ADGRV1: variants seen among roughly 807,000 people sequenced by gnomAD.
ADGRV1 encodes the protein G-protein coupled receptor 98.
ADGRV1 carries 359 observed loss-of-function variants against 596.2 expected under a neutral mutation model. The ratio of observed to expected loss-of-function variants is 0.60; its 90% CI spans 0.55 to 0.66. The LOEUF is 0.66. Ranked by LOEUF, ADGRV1 falls within the 30% of genes least tolerant of loss-of-function variation. The pLI is 0.00. For missense variants in ADGRV1, 7,274 were observed against 7,575.6 expected (o/e 0.96, Z 1.48); for synonymous variants, 2,681 against 2,679.2 (o/e 1.00, Z -0.02).
intron 1 of ADGRV1, among the ~76,000 whole-genome samples, chr5:90,610,619 C>T (rs1377219121): frequency 6.6e-6 from 1 of 151,912 alleles, no homozygotes; most frequent in Non-Finnish European, 1.5e-5. Context: ...TTTCATGAAT[C>T]CTTAGAGAAG....
In ADGRV1 at chr5:90,745,649, C is replaced by T. The variant is rs1754540709; in HGVS notation, c.10828C>T (p.Leu3610Phe). Residue 3610 changes from leucine (L) to phenylalanine (F), a missense_variant, in exon 52 of 90, where the codon CTT (leucine) becomes TTT (phenylalanine). By Grantham distance (22) the Leu-to-Phe change is conservative. This residue lies in a region of ADGRV1 where 3,643 missense variants were observed against 3,809.2 expected (regional missense o/e 0.96). Coordinates refer to ENST00000405460, the MANE Select transcript of ADGRV1 (RefSeq NM_032119.4). Reference protein sequence around the residue: ...EREATIAVNILDDTVPEKEES... With the variant: ...EREATIAVNIFDDTVPEKEES... ...AGAAGCTACAATAGCAGTAAATATC[C>T]TTGATGATACAGTTCCAGAAAAAGA... The T allele has an allele frequency of 1.9e-6, 3 of 1,612,656 alleles. No homozygotes were observed. Among genetic ancestry groups the T allele is most frequent in the Admixed American group, 3.3e-5 (2 of 60,000 alleles).
intron 15 of ADGRV1, among the ~76,000 whole-genome samples, 186 bp from the exon 16 acceptor site, chr5:90,645,782 T>A (rs1767661520): frequency 6.6e-6 from 1 of 152,108 alleles, no homozygotes; most frequent in Non-Finnish European, 1.5e-5. Flanking sequence ...TGAATGCACA[T>A]GAAACTAATT....
chr5:90,897,886 A>G lies in ADGRV1; in HGVS notation c.17856+34029A>G, dbSNP rs116477121. On this transcript the variant is annotated intron_variant, in intron 83 of 89. Transcript: ENST00000405460. ...AGATTTGGTGAACTTGCCAAACCCC[A>G]TAACAGTAGCAGATGGATGAGGTTT... Among the ~76,000 whole-genome samples the G allele has an allele frequency of 4.7e-3, 718 of 152,300 alleles. 2 individuals are homozygous for G. The highest frequency in any genetic ancestry group is 0.016 in the African/African-American group (677 of 41,560).
At chr5:91,082,354 T>G (rs2126514589) in intron 86 of ADGRV1, among the ~76,000 whole-genome samples, 1 of 152,164 alleles carries the variant, frequency 6.6e-6, no homozygotes, top group South Asian at 2.1e-4. Context: ...TGAGACAGAG[T>G]CTTACTGTAT....
intron 34 of ADGRV1, among the ~76,000 whole-genome samples, chr5:90,700,755 G>A (rs1447115377): frequency 6.6e-6 from 1 of 152,038 alleles, no homozygotes; most frequent in East Asian, 1.9e-4. Context: ...TTTCTTAACT[G>A]TTCTTTTTGA....
chr5:91,063,040 C>T (rs1405646803), intron 85 of ADGRV1, among the ~76,000 whole-genome samples: 3 of 147,476 alleles, frequency 2.0e-5, no homozygotes, highest in Admixed American at 7.1e-5. Context: ...CTCACTGCAA[C>T]CTCCACCTCC....
chr5:90,802,204 G>A (rs1761448340), intron 70 of ADGRV1, among the ~76,000 whole-genome samples: 1 of 151,934 alleles, frequency 6.6e-6, no homozygotes, highest in Non-Finnish European at 1.5e-5. Flanking sequence ...TTTTTGTTTA[G>A]TTTTGTTTGT....
chr5:91,104,747 G>A (rs1024460997), intron 87 of ADGRV1, among the ~76,000 whole-genome samples: 4 of 151,902 alleles, frequency 2.6e-5, no homozygotes, highest in Non-Finnish European at 4.4e-5. Flanking sequence ...CATCTATGTT[G>A]CCATAAATAA....
At position 90,779,034 on chromosome 5, in the gene ADGRV1, A is replaced by T; in HGVS notation, c.13019A>T (p.Asp4340Val). ...RKSLHVEILD[D>V]DYPEGPEEFS... ...AGTCTGCATGTTGAAATCCTTGATGATGACTATCCTGAAGGCCCAGAGGAA... is the reference window on the plus strand; with the variant it reads ...AGTCTGCATGTTGAAATCCTTGATGTTGACTATCCTGAAGGCCCAGAGGAA... The change falls in exon 64 of 90, where the codon GAT becomes GTT. Residue 4340 changes from aspartate to valine, a missense_variant. Around this residue, in one of 5 missense-constraint regions of ADGRV1, gnomAD observed 3,643 missense variants for 3,809.2 expected, o/e 0.96. Transcript: ENST00000405460. 1 of 1,613,400 alleles carries T rather than the reference A, an allele frequency of 6.2e-7. No homozygotes were observed. The highest frequency in any genetic ancestry group is 2.2e-5 in the East Asian group (1 of 44,862).
intron 45 of ADGRV1, 77 bp downstream of exon 45, chr5:90,721,136 T>C: frequency 1.6e-6 from 2 of 1,247,086 alleles, no homozygotes; most frequent in Non-Finnish European, 2.2e-6. Context: ...TTTTTTCCTT[T>C]GAATTGTATG....
chr5:90,635,217 C>T lies in ADGRV1; in HGVS notation c.1943C>T (p.Ala648Val), dbSNP rs1766017825. ...NISLLVTPAI[A>V]NGEIGFLSNL... is the part of the protein sequence containing the mutation. ...TCTTTACTGGTTACTCCAGCCATTG[C>T]AAATGGAGAAATTGGCTTTCTCAGC... Residue 648 changes from alanine (A) to valine (V), a missense_variant, in exon 10 of 90, where the codon GCA becomes GTA. Around this residue, in one of 5 missense-constraint regions of ADGRV1, gnomAD observed 1,715 missense variants for 1,708.8 expected, o/e 1.00. Coordinates refer to ENST00000405460, the MANE Select transcript of ADGRV1 (RefSeq NM_032119.4). 5 of 1,613,196 alleles carry T rather than the reference C, an allele frequency of 3.1e-6. No individual in the cohort carries two copies. The highest frequency in any genetic ancestry group is 1.3e-5 in the African/African-American group (1 of 74,996).
In ADGRV1 at chr5:90,811,311, G is replaced by T; in HGVS notation, c.16051G>T (p.Ala5351Ser). 2 of 1,607,340 alleles carry T rather than the reference G, an allele frequency of 1.2e-6. No individual in the cohort carries two copies. The highest frequency in any genetic ancestry group is 1.7e-6 in the Non-Finnish European group (2 of 1,176,792). Residue 5351 changes from alanine to serine, a missense_variant, in exon 74 of 90, where the codon GCA becomes TCA. Around this residue, in one of 5 missense-constraint regions of ADGRV1, gnomAD observed 1,874 missense variants for 1,970.2 expected, o/e 0.95. Transcript: ENST00000405460. ...GGAGGAGAAGGATGATACTGGATTTGCAGCTTTTGCCATGGTTATTATTAC... is the reference window on the plus strand; with the variant it reads ...GGAGGAGAAGGATGATACTGGATTTTCAGCTTTTGCCATGGTTATTATTAC... ...IVEEKDDTGFAAFAMVIITGS... is the reference protein window; with the variant it reads ...IVEEKDDTGFSAFAMVIITGS...
At chr5:90,873,185 A>C (rs1459047467) in intron 83 of ADGRV1, among the ~76,000 whole-genome samples, 4 of 152,188 alleles carry the variant, frequency 2.6e-5, no homozygotes, top group African/African-American at 9.6e-5. Flanking sequence ...ATCAGTCACA[A>C]AGACAGGGCA....
intron 68 of ADGRV1, among the ~76,000 whole-genome samples, chr5:90,788,938 A>G (rs1045474649): frequency 2.0e-5 from 3 of 151,988 alleles, no homozygotes; most frequent in African/African-American, 7.2e-5. Context: ...ATTTGAAGGA[A>G]CAGACTCACA....
chr5:90,719,857 T>C (rs564673300), intron 43 of ADGRV1, among the ~76,000 whole-genome samples, 191 bp from the exon 44 acceptor site: 1 of 152,336 alleles, frequency 6.6e-6, no homozygotes, highest in South Asian at 2.1e-4. Context: ...TATCACAAAG[T>C]TGAAAATCCT....
chr5:90,587,399 C>T (rs1202373185), intron 1 of ADGRV1, among the ~76,000 whole-genome samples: 1 of 152,000 alleles, frequency 6.6e-6, no homozygotes, highest in Non-Finnish European at 1.5e-5. Context: ...GTTGTCATTA[C>T]TTGGAAGTCT....
chr5:90,867,393 G>A (rs1433202052), intron 83 of ADGRV1, among the ~76,000 whole-genome samples: 2 of 152,118 alleles, frequency 1.3e-5, no homozygotes, highest in East Asian at 3.8e-4. Flanking sequence ...TAGCTTAGGG[G>A]TCTATTCTCT....
chr5:90,938,560 C>G (rs1775908908), intron 83 of ADGRV1, among the ~76,000 whole-genome samples: 1 of 152,134 alleles, frequency 6.6e-6, no homozygotes, highest in Middle Eastern at 3.2e-3. Flanking sequence ...TATGATGGTG[C>G]TCCCTCAGCC....
chr5:90,757,241 T>A, intron 57 of ADGRV1, 80 bp downstream of exon 57: 2 of 1,059,848 alleles, frequency 1.9e-6, no homozygotes, highest in South Asian at 2.7e-5. Flanking sequence ...GAATGTACAT[T>A]GGTGATTGCT....
Sources: gnomAD v4.1 joint callset for allele counts (sites outside exome capture counted in the v4.1 genomes callset) on GRCh38, gnomAD v4.1.1 for gene constraint, gnomAD v4.1.1 regional missense constraint, MANE v1.5 for transcripts, NCBI Gene and HGNC (gene_info 2026-07-23, HGNC 2026-07-21) for gene names.